The following ALDH1L2 variants were observed in gnomAD, a reference collection of about 807,000 sequenced individuals.
The protein encoded by ALDH1L2 is mitochondrial 10-formyltetrahydrofolate dehydrogenase.
ALDH1L2 carries 91 observed loss-of-function variants against 111.0 expected under a neutral mutation model. The observed-to-expected ratio is 0.82, with a 90% CI of 0.69 to 0.98. The LOEUF (loss-of-function observed/expected upper bound fraction) is 0.98, where lower values mean the gene tolerates loss of function less well. ALDH1L2 is among the 50% of genes least tolerant of loss of function. ALDH1L2 has a pLI of 0.00. For synonymous variants in ALDH1L2, 374 were observed against 392.6 expected (o/e 0.95, Z 0.56); for missense variants, 995 against 1,126.8 (o/e 0.88, Z 1.67).
At chr12:105,059,357 G>T (rs1020292627) in intron 9 of ALDH1L2, among the ~76,000 whole-genome samples, 23 of 151,268 alleles carry the variant, frequency 1.5e-4, no homozygotes, top group African/African-American at 5.4e-4. Flanking sequence ...GATGACTCAT[G>T]CCTGTAATCC....
At position 105,061,667 on chromosome 12, in the gene ALDH1L2, TCTAC is replaced by T; in HGVS notation, c.1003_1006del (p.Val335AsnfsTer2). Reference sequence around the variant, plus strand: ...CACTTTCACCTCTTCAGCTGTCAGTTCTACCACTGACGTCTCACCCGTTGAAAAG... The same window carrying T: ...CACTTTCACCTCTTCAGCTGTCAGTTCACTGACGTCTCACCCGTTGAAAAG... On this transcript the variant is annotated frameshift_variant, in exon 8 of 23. Coordinates refer to ENST00000258494, the MANE Select transcript of ALDH1L2 (RefSeq NM_001034173.4). LOFTEE classifies it high-confidence loss of function. 1 of 1,614,160 alleles carries T rather than the reference TCTAC, an allele frequency of 6.2e-7. No individual in the cohort carries two copies. Among genetic ancestry groups the T allele is most frequent in the Non-Finnish European group, 8.5e-7 (1 of 1,180,024 alleles).
Position 105,070,789 on chromosome 12 carries a change from TTCTC to T in ALDH1L2, c.205_208del (p.Glu69LysfsTer33). 6.2e-7 allele frequency: 1 copy of T among 1,612,844 alleles called. No homozygotes were observed. The highest frequency in any genetic ancestry group is 8.5e-7 in the Non-Finnish European group (1 of 1,179,682). On this transcript the variant is annotated frameshift_variant, in exon 3 of 23. Transcript: ENST00000258494. LOFTEE classifies it high-confidence loss of function. ...AAGCTTGAACACAGGGGTCCCATCT[TTCTC>T]TGCAGCCAAAGCTGAGCATAAAAAA...
Position 105,052,052 on chromosome 12 carries a change from A to G in ALDH1L2, c.1535+38T>C, listed in dbSNP as rs978583505. 2.7e-6 allele frequency: 4 copies of G among 1,504,866 alleles called. No homozygotes were observed. In the Admixed American group the frequency reaches 6.3e-5, roughly 24 times the overall value. The allele number at this position is 1,504,866 out of a possible 1,614,324, so 93.2% of individuals were successfully genotyped here. A position where few individuals can be genotyped will look rare whatever the true frequency, so the allele number is the denominator to read the frequency against. ...GTGAACCCCTGTCTCTACCAGAGTT[A>G]CTTTTCTAAAAAATAAAAAAATAAA... is the stretch of plus-strand genomic sequence containing the variant. On this transcript the variant is annotated intron_variant, in intron 12 of 22. Transcript: ENST00000258494.
At chr12:105,064,101 C>T (rs1477117918) in intron 6 of ALDH1L2, among the ~76,000 whole-genome samples, 1 of 129,678 alleles carries the variant, frequency 7.7e-6, no homozygotes, top group African/African-American at 2.9e-5. Flanking sequence ...CAGGCACATG[C>T]CACCACACCG....
rs150441114 is a variant in ALDH1L2, at chr12:105,021,691, A to T, written c.*2733T>A. ...GTGAAGATTAAATAACATTTAAAAC[A>T]TGCTTAGCCTAAGGTCTTTCATACA... On this transcript the variant is annotated 3_prime_UTR_variant, in exon 23 of 23. Coordinates refer to ENST00000258494, the MANE Select transcript of ALDH1L2 (RefSeq NM_001034173.4). 1 of 152,206 alleles carries T rather than the reference A, an allele frequency of 6.6e-6. No homozygotes were observed. The highest frequency in any genetic ancestry group is 2.4e-5 in the African/African-American group (1 of 41,448). The allele number at this position is 152,206 out of a possible 1,614,324, so 9.4% of individuals were successfully genotyped here.
intron 19 of ALDH1L2, among the ~76,000 whole-genome samples, 195 bp downstream of exon 19, chr12:105,034,105 A>C (rs1414843567): frequency 1.3e-5 from 2 of 152,154 alleles, no homozygotes; most frequent in Admixed American, 6.6e-5. Flanking sequence ...TTTGAAGCAA[A>C]TTTCAGACAT....
intron 8 of ALDH1L2, 99 bp from the exon 9 acceptor site, chr12:105,061,171 T>C (rs759207772): frequency 5.0e-6 from 5 of 997,748 alleles, no homozygotes; most frequent in East Asian, 2.5e-5. Flanking sequence ...CTTCATCTTG[T>C]ACACTCAGCT....
intron 2 of ALDH1L2, chr12:105,072,644 T>C (rs1271231605): frequency 6.6e-6 from 1 of 151,430 alleles, no homozygotes; most frequent in African/African-American, 2.4e-5. Context: ...CAAAGAAAAA[T>C]GGGGTGGAGG....
chr12:105,047,319 C>G (rs776291153), intron 13 of ALDH1L2: 8 of 275,026 alleles, frequency 2.9e-5, no homozygotes, highest in African/African-American at 4.4e-5. Flanking sequence ...TACTATGGTT[C>G]CCATTCTCCA....
At chr12:105,045,561 A>C (rs1875791371) in intron 15 of ALDH1L2, among the ~76,000 whole-genome samples, 1 of 152,110 alleles carries the variant, frequency 6.6e-6, no homozygotes, top group Admixed American at 6.6e-5. Flanking sequence ...AGCCACTAAT[A>C]GATAACAATC....
rs1415670828 is a variant in ALDH1L2 at position 105,049,897 on chromosome 12, T to C, written c.1686+11A>G. 2 of 1,606,752 alleles carry C rather than the reference T, an allele frequency of 1.2e-6. No individual in the cohort carries two copies. Among genetic ancestry groups the C allele is most frequent in the Middle Eastern group, 1.7e-4 (1 of 6,058 alleles). On this transcript the variant is annotated intron_variant, in intron 13 of 22. Coordinates refer to ENST00000258494, the MANE Select transcript of ALDH1L2 (RefSeq NM_001034173.4). ...CCTTTTTCTTTCAGAACAAATAATA[T>C]TTGTGCTTACCTGAATTTTGTCGCA...
intron 11 of ALDH1L2, 31 bp from the exon 12 acceptor site, chr12:105,052,248 T>G (rs757964578): frequency 1.2e-5 from 18 of 1,540,232 alleles, no homozygotes; most frequent in Non-Finnish European, 1.5e-5. Context: ...ATAGGCCCCA[T>G]GAGAGATATG....
chr12:105,078,876 T>A (rs1212244943), intron 1 of ALDH1L2, among the ~76,000 whole-genome samples: 1 of 152,144 alleles, frequency 6.6e-6, no homozygotes, highest in Non-Finnish European at 1.5e-5. Flanking sequence ...GAGGGTGCGG[T>A]ATTTACAAAG....
At chr12:105,025,501 C>A (rs1249042357) in intron 22 of ALDH1L2, among the ~76,000 whole-genome samples, 1 of 152,072 alleles carries the variant, frequency 6.6e-6, no homozygotes, top group Non-Finnish European at 1.5e-5. Flanking sequence ...AAGTCTCCTA[C>A]AGTGATTTGG....
At position 105,068,817 on chromosome 12, in the gene ALDH1L2, C is replaced by T; in HGVS notation, c.496G>A (p.Gly166Arg). 2 of 1,608,944 alleles carry T rather than the reference C, an allele frequency of 1.2e-6. No individual in the cohort carries two copies. The highest frequency in any genetic ancestry group is 1.7e-6 in the Non-Finnish European group (2 of 1,177,702). ...VFWADDGLDT[G>R]PILLQRSCDV... ...CATGATCTCTGAAGAAGGATGGGTC[C>T]TGTATCCAAGCCATCATCAGCCCAG... Residue 166 changes from glycine to arginine, a missense_variant, in exon 4 of 23, where the codon GGA (glycine) becomes AGA (arginine). Physicochemically the swap from Gly to Arg is moderately radical, Grantham distance 125. Coordinates refer to ENST00000258494, the MANE Select transcript of ALDH1L2 (RefSeq NM_001034173.4).
intron 21 of ALDH1L2, among the ~76,000 whole-genome samples, chr12:105,028,191 A>G (rs1228849777): frequency 6.6e-6 from 1 of 152,128 alleles, no homozygotes; most frequent in Non-Finnish European, 1.5e-5. Context: ...GCTCACTGCA[A>G]CCTTCGCCTC....
Position 105,022,354 on chromosome 12 carries a change from G to A in ALDH1L2, c.*2070C>T, listed in dbSNP as rs558219934. 3.9e-5 allele frequency: 6 copies of A among 152,248 alleles called. No individual in the cohort carries two copies. Among genetic ancestry groups the A allele is most frequent in the South Asian group, 2.1e-4 (1 of 4,828 alleles). The allele number at this position is 152,248 out of a possible 1,614,324, so 9.4% of individuals were successfully genotyped here. On this transcript the variant is annotated 3_prime_UTR_variant, in exon 23 of 23. Transcript: ENST00000258494. ...GCACATGAATTTTGGGGGTAGAAGC[G>A]GGACACAGGGAGTGTTCATAGCTTT...
chr12:105,079,733 CG>C (rs1878245571), intron 1 of ALDH1L2, among the ~76,000 whole-genome samples: 1 of 151,400 alleles, frequency 6.6e-6, no homozygotes, highest in Admixed American at 6.6e-5. Flanking sequence ...AAGCTCCTTA[CG>C]AAAAGAAAAG....
At chr12:105,040,793 A>G (rs1252399046) in intron 15 of ALDH1L2, 99 bp from the exon 16 acceptor site, 1 of 950,758 alleles carries the variant, frequency 1.1e-6, no homozygotes, top group Non-Finnish European at 1.7e-6. Flanking sequence ...ATCTCATTTT[A>G]TTTTTATTGT....
Sources: gnomAD v4.1 joint callset for allele counts (sites outside exome capture counted in the v4.1 genomes callset) on GRCh38, gnomAD v4.1.1 for gene constraint, MANE v1.5 for transcripts, NCBI Gene and HGNC (gene_info 2026-07-23, HGNC 2026-07-21) for gene names.